PIK3R1: variants seen among roughly 807,000 people sequenced by gnomAD.
PIK3R1 encodes the protein phosphoinositide-3-kinase regulatory subunit 1.
In PIK3R1, 29 loss-of-function variants were observed where a neutral mutation model predicts 98.0. The ratio of observed to expected loss-of-function variants is 0.30; its 90% CI spans 0.22 to 0.40. The LOEUF is 0.40. PIK3R1 is among the 10% of genes least tolerant of loss of function. The pLI is 1.00. For missense variants in PIK3R1, 596 were observed against 872.7 expected, an observed-to-expected ratio of 0.68 and a Z score of 3.99; for synonymous variants, 282 against 311.8, an observed-to-expected ratio of 0.90 and a Z score of 1.01.
At position 68,280,646 on chromosome 5, in the gene PIK3R1, T is replaced by C. The variant is rs369338955; in HGVS notation, c.753T>C (p.Ser251=). ...QYLLKHFFKL[S]QTSSKNLLNA... Reference sequence around the variant, plus strand: ...TGTTAAAACATTTCTTCAAGCTCTCTCAAACCTCCAGCAAAAATCTGTTGA... The same window carrying C: ...TGTTAAAACATTTCTTCAAGCTCTCCCAAACCTCCAGCAAAAATCTGTTGA... Residue 251 remains serine (S), a synonymous_variant, in exon 6 of 16, where the codon TCT becomes TCC. Coordinates refer to ENST00000521381, the MANE Select transcript of PIK3R1 (RefSeq NM_181523.3). The C allele has an allele frequency of 1.9e-6, 3 of 1,613,994 alleles. No individual in the cohort carries two copies. The African/African-American group carries it at 4.0e-5, about 22-fold the overall frequency.
At chr5:68,277,222 G>A (rs1355767305) in intron 4 of PIK3R1, among the ~76,000 whole-genome samples, 1 of 152,218 alleles carries the variant, frequency 6.6e-6, no homozygotes, top group African/African-American at 2.4e-5. Flanking sequence ...ACGGCCAAGA[G>A]TGGTGACCAT....
At chr5:68,224,488 T>C (rs1744208262) in intron 1 of PIK3R1, among the ~76,000 whole-genome samples, 1 of 152,202 alleles carries the variant, frequency 6.6e-6, no homozygotes, top group Non-Finnish European at 1.5e-5. Context: ...CTCTCCTAAG[T>C]GTGTTATTGT....
At chr5:68,273,242 A>G (rs1746436310) in intron 2 of PIK3R1, 148 bp from the exon 3 acceptor site, 3 of 732,994 alleles carry the variant, frequency 4.1e-6, no homozygotes, top group Non-Finnish European at 7.3e-6. Context: ...TGGGCATATC[A>G]CTTTGGCCTG....
chr5:68,288,498 C>T lies in PIK3R1; in HGVS notation c.917-3761C>T, dbSNP rs1747183058. The T allele has an allele frequency of 2.1e-5, 28 of 1,314,614 alleles. No individual in the cohort carries two copies. In the South Asian group the frequency reaches 5.3e-4, roughly 25 times the overall value. 81.4% of individuals were successfully genotyped at this position (1,314,614 alleles called of 1,614,324 possible). A position where few individuals can be genotyped will look rare whatever the true frequency, so the allele number is the denominator to read the frequency against. On this transcript the variant is annotated intron_variant, in intron 7 of 15. Transcript: ENST00000521381. ...GGCCCGGACGCACTGCCGGGCGGGGCGTGGGGCGGAGGGACGAGCCGAGCC... is the reference window on the plus strand; with the variant it reads ...GGCCCGGACGCACTGCCGGGCGGGGTGTGGGGCGGAGGGACGAGCCGAGCC...
At chr5:68,289,155 G>A (rs1049598370) in intron 7 of PIK3R1, among the ~76,000 whole-genome samples, 8 of 152,136 alleles carry the variant, frequency 5.3e-5, no homozygotes, top group Admixed American at 4.6e-4. Flanking sequence ...ACAGCTGCTC[G>A]GAGAACTTGT....
At chr5:68,222,997 T>TAC (rs575992249) in intron 1 of PIK3R1, among the ~76,000 whole-genome samples, 100 of 151,544 alleles carry the variant, frequency 6.6e-4, no homozygotes, top group Middle Eastern at 3.5e-3. Flanking sequence ...TATAGTTATC[T>TAC]ACACACACAC....
intron 2 of PIK3R1, among the ~76,000 whole-genome samples, chr5:68,240,317 T>G (rs989027972): frequency 2.0e-5 from 3 of 152,204 alleles, no homozygotes; most frequent in African/African-American, 7.2e-5. Context: ...TAGCCTTCAT[T>G]GTTTGGATTG....
intron 4 of PIK3R1, 114 bp from the exon 5 acceptor site, chr5:68,279,488 C>T: frequency 2.6e-6 from 2 of 769,870 alleles, no homozygotes; most frequent in South Asian, 1.8e-5. Context: ...CCTCATATTG[C>T]TTCCTTATTT....
intron 2 of PIK3R1, among the ~76,000 whole-genome samples, chr5:68,240,574 A>C (rs1269812844): frequency 6.6e-6 from 1 of 152,124 alleles, no homozygotes; most frequent in Non-Finnish European, 1.5e-5. Flanking sequence ...AAAAATGTTT[A>C]CTCTTGTTTT....
At chr5:68,254,963 A>G (rs550882823) in intron 2 of PIK3R1, among the ~76,000 whole-genome samples, 1 of 152,042 alleles carries the variant, frequency 6.6e-6, no homozygotes, top group South Asian at 2.1e-4. Context: ...CTTTGTCCCT[A>G]GTTGACACAA....
intron 2 of PIK3R1, among the ~76,000 whole-genome samples, chr5:68,273,096 C>G (rs563694893): frequency 4.6e-5 from 7 of 152,142 alleles, no homozygotes; most frequent in African/African-American, 1.7e-4. Context: ...CCACTCCCCC[C>G]ACCTTTGGGG....
chr5:68,292,775 CAG>C (rs1024469089), intron 8 of PIK3R1: 8 of 1,254,020 alleles, frequency 6.4e-6, no homozygotes, highest in East Asian at 7.4e-5. Flanking sequence ...GCTCATTTGT[CAG>C]AGAGATTGTA....
At chr5:68,265,337 T>G (rs1042745023) in intron 2 of PIK3R1, among the ~76,000 whole-genome samples, 1 of 152,216 alleles carries the variant, frequency 6.6e-6, no homozygotes, top group Non-Finnish European at 1.5e-5. Flanking sequence ...TCCATTCCTC[T>G]CTTTGGGTGT....
chr5:68,222,450 G>T (rs936608510), intron 1 of PIK3R1, among the ~76,000 whole-genome samples: 42 of 107,202 alleles, frequency 3.9e-4, no homozygotes, highest in African/African-American at 2.1e-3. Flanking sequence ...AGGAGGCAGA[G>T]GTGCTAAGGA....
At chr5:68,216,253 G>C (rs171648) in intron 1 of PIK3R1, among the ~76,000 whole-genome samples, 1 of 152,096 alleles carries the variant, frequency 6.6e-6, no homozygotes, top group African/African-American at 2.4e-5. Context: ...CGGAGTTGCC[G>C]ACGAGCTCGG....
intron 7 of PIK3R1, chr5:68,291,806 GT>G (rs1466690427): frequency 6.5e-6 from 1 of 154,184 alleles, no homozygotes; most frequent in Admixed American, 6.5e-5. Context: ...CTGCAACAGA[GT>G]TTGTGGAGGA....
At chr5:68,244,129 T>A (rs1310261929) in intron 2 of PIK3R1, among the ~76,000 whole-genome samples, 1 of 152,232 alleles carries the variant, frequency 6.6e-6, no homozygotes, top group Non-Finnish European at 1.5e-5. Context: ...CCTTGGTGAC[T>A]TTTTATTTAT....
chr5:68,225,821 T>G (rs1396762361), intron 1 of PIK3R1, among the ~76,000 whole-genome samples: 1 of 152,210 alleles, frequency 6.6e-6, no homozygotes, highest in Non-Finnish European at 1.5e-5. Context: ...CACTGCTCCC[T>G]CTTTGGCTCC....
At chr5:68,227,558 AG>A (rs1295984594) in intron 2 of PIK3R1, among the ~76,000 whole-genome samples, 16 of 152,202 alleles carry the variant, frequency 1.1e-4, no homozygotes, top group Non-Finnish European at 1.9e-4. Flanking sequence ...ATTTTGGGAA[AG>A]TGGAGGGTAA....
Sources: allele counts gnomAD v4.1 joint callset (sites outside exome capture counted in the v4.1 genomes callset), GRCh38; gene constraint gnomAD v4.1.1; transcripts MANE v1.5; gene names NCBI Gene and HGNC (gene_info 2026-07-23, HGNC 2026-07-21).